DIP2B: variants seen among roughly 807,000 people sequenced by gnomAD.
DIP2B encodes the protein DIP2 acetate--CoA ligase B (putative), also known as disco-interacting protein 2 homolog B.
Under a neutral mutation model 198.0 loss-of-function variants are expected in DIP2B, and 76 were observed. The ratio of observed to expected loss-of-function variants is 0.38; its 90% CI spans 0.32 to 0.46. DIP2B has a LOEUF of 0.46. Among genes scored for constraint, DIP2B ranks in the 20% least tolerant of loss-of-function variants. The probability of loss-of-function intolerance (pLI) is 0.99; values close to 1 mark genes in which losing one functional copy is unlikely to be tolerated. For missense variants in DIP2B, 1,559 were observed against 1,978.4 expected (o/e 0.79, Z 4.02); for synonymous variants, 701 against 739.1 (o/e 0.95, Z 0.84).
chr12:50,676,771 T>C (rs10506294), intron 7 of DIP2B, among the ~76,000 whole-genome samples: 37,531 of 152,180 alleles, frequency 0.25, 5,469 homozygotes, highest in East Asian at 0.44. Context: ...ATGGCGATAA[T>C]GTCAGCTTTC....
chr12:50,674,581 G>A lies in DIP2B; in HGVS notation c.748G>A (p.Gly250Ser). The change falls in exon 6 of 38, where the codon GGC becomes AGC. Residue 250 changes from glycine (G) to serine (S), a missense_variant. Transcript: ENST00000301180. ...CCTGCCCCCCTCGGGGATAGTTAAA[G>A]GCATGCACAAAGGATCCAACAGGTC... ...IDLPPSGIVK[G>S]MHKGSNRSSL... 6.2e-7 allele frequency: 1 copy of A among 1,614,186 alleles called. No homozygotes were observed. Among genetic ancestry groups the A allele is most frequent in the Non-Finnish European group, 8.5e-7 (1 of 1,180,032 alleles).
intron 3 of DIP2B, among the ~76,000 whole-genome samples, chr12:50,652,168 C>T (rs975659295): frequency 1.3e-5 from 2 of 151,830 alleles, no homozygotes; most frequent in African/African-American, 4.8e-5. Context: ...AAAAAATTAG[C>T]CAGGCGTTGT....
chr12:50,522,275 A>G (rs1179860741), intron 1 of DIP2B, among the ~76,000 whole-genome samples: 1 of 152,212 alleles, frequency 6.6e-6, no homozygotes, highest in African/African-American at 2.4e-5. Context: ...TGCTGGAATT[A>G]CAGGTGTGAG....
intron 10 of DIP2B, among the ~76,000 whole-genome samples, chr12:50,684,184 A>G (rs1939093508): frequency 6.6e-6 from 1 of 151,878 alleles, no homozygotes; most frequent in African/African-American, 2.4e-5. Context: ...AAAGAATCCC[A>G]CTCTTGCTTC....
chr12:50,690,149 T>G (rs927979901), intron 12 of DIP2B, among the ~76,000 whole-genome samples: 2 of 150,934 alleles, frequency 1.3e-5, no homozygotes, highest in East Asian at 1.9e-4. Context: ...TGCAGTGGTG[T>G]GATCTCGGCT....
At chr12:50,668,202 G>A (rs1014350092) in intron 4 of DIP2B, among the ~76,000 whole-genome samples, 7 of 152,206 alleles carry the variant, frequency 4.6e-5, no homozygotes, top group African/African-American at 1.7e-4. Flanking sequence ...ACTTCCTTGG[G>A]TGCCTGCCTT....
rs1439044105 is a variant in DIP2B at position 50,714,429 on chromosome 12, G to A, written c.2684G>A (p.Cys895Tyr). Reference protein sequence around the residue: ...IDSIHQVGVYCLALVPANTLP... With the variant: ...IDSIHQVGVYYLALVPANTLP... ...AGCATTCATCAAGTGGGGGTTTATT[G>A]TCTTGCTCTGGTGCCAGCCAATACA... The change falls in exon 23 of 38, where the codon TGT becomes TAT. Residue 895 changes from cysteine (C) to tyrosine (Y), a missense_variant. Transcript: ENST00000301180. 1 of 1,614,142 alleles carries A rather than the reference G, an allele frequency of 6.2e-7. No homozygotes were observed. The highest frequency in any genetic ancestry group is 8.5e-7 in the Non-Finnish European group (1 of 1,180,030).
At chr12:50,685,749 C>A in intron 10 of DIP2B, 84 bp from the exon 11 acceptor site, 1 of 1,431,408 alleles carries the variant, frequency 7.0e-7, no homozygotes, top group Non-Finnish European at 9.3e-7. Context: ...AAACAAAATG[C>A]CAGAGCATTA....
At chr12:50,668,956 C>T (rs191892263) in intron 4 of DIP2B, among the ~76,000 whole-genome samples, 1 of 152,084 alleles carries the variant, frequency 6.6e-6, no homozygotes, top group African/African-American at 2.4e-5. Flanking sequence ...TAATCACCCC[C>T]CTTTTGCATG....
chr12:50,692,165 A>G (rs993327212), intron 13 of DIP2B, among the ~76,000 whole-genome samples: 2 of 152,126 alleles, frequency 1.3e-5, no homozygotes, highest in African/African-American at 2.4e-5. Context: ...TCAATGTATC[A>G]TTAAGCAGGA....
rs561317668 is a variant in DIP2B at position 50,653,778 on chromosome 12, C to CA, written c.302-6409dup. Reference sequence around the variant, plus strand: ...GATTTGTCAATTTTGTTGATCTTTTCAAAAAAACAACTCATTTGTTGATTT... The same window carrying CA: ...GATTTGTCAATTTTGTTGATCTTTTCAAAAAAAACAACTCATTTGTTGATTT... On this transcript the variant is annotated intron_variant, in intron 3 of 37. Coordinates refer to ENST00000301180, the MANE Select transcript of DIP2B (RefSeq NM_173602.3). 3.0e-3 allele frequency among the ~76,000 whole-genome samples: 447 copies of CA among 151,306 alleles called. 5 individuals are homozygous for CA. The highest frequency in any genetic ancestry group is 0.01 in the African/African-American group (421 of 41,306).
chr12:50,594,762 T>C (rs938262436), intron 1 of DIP2B, among the ~76,000 whole-genome samples: 2 of 152,340 alleles, frequency 1.3e-5, no homozygotes, highest in East Asian at 3.9e-4. Flanking sequence ...ATATTACATA[T>C]TAAAAGATAT....
At chr12:50,548,948 G>T (rs368791683) in intron 1 of DIP2B, among the ~76,000 whole-genome samples, 2 of 152,290 alleles carry the variant, frequency 1.3e-5, no homozygotes, top group African/African-American at 2.4e-5. Flanking sequence ...TTCTAGTGTT[G>T]CAGTAATGTG....
chr12:50,728,525 G>A, intron 29 of DIP2B, 23 bp from the exon 30 acceptor site: 6 of 1,611,514 alleles, frequency 3.7e-6, no homozygotes, highest in Non-Finnish European at 5.1e-6. Flanking sequence ...GTCCCAGCCT[G>A]TTCCATTTTC....
At chr12:50,546,972 A>C (rs1958383196) in intron 1 of DIP2B, among the ~76,000 whole-genome samples, 1 of 152,232 alleles carries the variant, frequency 6.6e-6, no homozygotes, top group Non-Finnish European at 1.5e-5. Context: ...TGTATTTACT[A>C]CTTTTCTGAA....
intron 33 of DIP2B, 31 bp downstream of exon 33, chr12:50,734,227 A>T (rs893644177): frequency 6.2e-7 from 1 of 1,611,094 alleles, no homozygotes; most frequent in East Asian, 2.2e-5. Context: ...CTCCTTTCCT[A>T]CTAGTTCCTA....
At chr12:50,583,340 C>T (rs993579507) in intron 1 of DIP2B, among the ~76,000 whole-genome samples, 1 of 152,048 alleles carries the variant, frequency 6.6e-6, no homozygotes, top group Non-Finnish European at 1.5e-5. Context: ...CTATTGTGTC[C>T]CTCCAGTTGG....
At chr12:50,593,425 A>G (rs980472572) in intron 1 of DIP2B, among the ~76,000 whole-genome samples, 13 of 152,002 alleles carry the variant, frequency 8.6e-5, no homozygotes, top group African/African-American at 2.9e-4. Context: ...GAGTCACTTG[A>G]ACCCGGGAGG....
intron 3 of DIP2B, among the ~76,000 whole-genome samples, chr12:50,651,808 G>T (rs1388498266): frequency 6.6e-6 from 1 of 152,032 alleles, no homozygotes; most frequent in Non-Finnish European, 1.5e-5. Flanking sequence ...GGACTCAAGC[G>T]ATTCTCCCCG....
Sources: allele counts gnomAD v4.1 joint callset (sites outside exome capture counted in the v4.1 genomes callset), GRCh38; gene constraint gnomAD v4.1.1; transcripts MANE v1.5; gene names NCBI Gene and HGNC (gene_info 2026-07-23, HGNC 2026-07-21).